The following CHST6 variants were observed in gnomAD, a reference collection of about 807,000 sequenced individuals.
CHST6 encodes N-acetylglucosamine 6-O-sulfotransferase 5.
For synonymous variants in CHST6, 309 were observed against 276.4 expected (o/e 1.12, Z -1.17); for missense variants, 698 against 586.2 (o/e 1.19, Z -1.97).
At chr16:75,486,019 G>A (rs100912) in intron 1 of CHST6, among the ~76,000 whole-genome samples, 94,200 of 152,074 alleles carry the variant, frequency 0.62, 29,565 homozygotes, top group African/African-American at 0.7. Flanking sequence ...CAGCTTTCCA[G>A]CCTTATCTCC....
chr16:75,484,881 G>C (rs1237658445), intron 1 of CHST6, among the ~76,000 whole-genome samples: 2 of 152,078 alleles, frequency 1.3e-5, no homozygotes, highest in Non-Finnish European at 2.9e-5. Flanking sequence ...TCAAGGTAAA[G>C]ATGAGGGCAT....
chr16:75,485,080 T>TTCA (rs2080181253), intron 1 of CHST6, among the ~76,000 whole-genome samples: 1 of 152,010 alleles, frequency 6.6e-6, no homozygotes, highest in Admixed American at 6.6e-5. Context: ...TTAATGGTGA[T>TTCA]GATGGTGATG....
At position 75,475,442 on chromosome 16, in the gene CHST6, A is replaced by G. The variant is rs1035060602; in HGVS notation, c.*3199T>C. The G allele has an allele frequency of 2.6e-5, 4 of 152,358 alleles. No individual in the cohort carries two copies. The highest frequency in any genetic ancestry group is 9.6e-5 in the African/African-American group (4 of 41,452). 9.4% of individuals were successfully genotyped at this position (152,358 alleles called of 1,614,324 possible). On this transcript the variant is annotated 3_prime_UTR_variant, in exon 3 of 3. Coordinates refer to ENST00000332272, the MANE Select transcript of CHST6 (RefSeq NM_021615.5). ...AGTGTCAACACAGCAAACCACTAACAGTGGTCAATGCAGTCACCCCCACAG... is the reference window on the plus strand; with the variant it reads ...AGTGTCAACACAGCAAACCACTAACGGTGGTCAATGCAGTCACCCCCACAG...
At chr16:75,483,990 C>T (rs2080168852) in intron 1 of CHST6, among the ~76,000 whole-genome samples, 1 of 151,842 alleles carries the variant, frequency 6.6e-6, no homozygotes, top group Non-Finnish European at 1.5e-5. Context: ...TGTGACTGCA[C>T]TCCAGCCTGG....
intron 1 of CHST6, among the ~76,000 whole-genome samples, chr16:75,489,178 T>A (rs1407888364): frequency 6.6e-6 from 1 of 151,462 alleles, no homozygotes; most frequent in Non-Finnish European, 1.5e-5. Context: ...GCGGGCGGAT[T>A]ACCTGAGGTC....
chr16:75,489,621 G>T (rs1472272673), intron 1 of CHST6, among the ~76,000 whole-genome samples: 2 of 151,806 alleles, frequency 1.3e-5, no homozygotes, highest in Non-Finnish European at 2.9e-5. Context: ...AGTTGGCTGG[G>T]TGTTAAAAAT....
At chr16:75,490,173 CA>C (rs58903978) in intron 1 of CHST6, among the ~76,000 whole-genome samples, 808 of 40,620 alleles carry the variant, frequency 0.02, 1 homozygote, top group Non-Finnish European at 0.031. Flanking sequence ...GACTTTGCCT[CA>C]AAAAAAAAAA....
intron 1 of CHST6, among the ~76,000 whole-genome samples, chr16:75,489,783 T>C (rs980660227): frequency 3.3e-5 from 5 of 151,694 alleles, no homozygotes; most frequent in African/African-American, 1.2e-4. Context: ...ATAAGCATAT[T>C]TAAGAAATAT....
chr16:75,487,244 G>C (rs1196595986), intron 1 of CHST6, among the ~76,000 whole-genome samples: 1 of 152,168 alleles, frequency 6.6e-6, no homozygotes, highest in African/African-American at 2.4e-5. Flanking sequence ...GGTTCTGCCT[G>C]ATTTGCAAAT....
In CHST6 at chr16:75,477,971, A is replaced by C. The variant is rs986725562; in HGVS notation, c.*670T>G. On this transcript the variant is annotated 3_prime_UTR_variant, in exon 3 of 3. Coordinates refer to ENST00000332272, the MANE Select transcript of CHST6 (RefSeq NM_021615.5). ...TCCTTCCAGGCTTGTCCAGCATGAT[A>C]AACTCTGGTCTCAGCATTCACAGCC... 6.4e-6 allele frequency: 1 copy of C among 155,070 alleles called. No homozygotes were observed. 9.6% of individuals were successfully genotyped at this position (155,070 alleles called of 1,614,324 possible). A position where few individuals can be genotyped will look rare whatever the true frequency, so the allele number is the denominator to read the frequency against.
At chr16:75,483,107 G>A (rs1056516798) in intron 1 of CHST6, among the ~76,000 whole-genome samples, 1 of 152,230 alleles carries the variant, frequency 6.6e-6, no homozygotes, top group Non-Finnish European at 1.5e-5. Context: ...AGGTGGGCAC[G>A]ATGATGTCAA....
intron 2 of CHST6, among the ~76,000 whole-genome samples, 168 bp from the exon 3 acceptor site, chr16:75,480,012 C>T (rs1336433616): frequency 6.6e-6 from 1 of 152,212 alleles, no homozygotes; most frequent in East Asian, 1.9e-4. Flanking sequence ...AGACATAACT[C>T]AGGATCCAGT....
Position 75,479,172 on chromosome 16 carries a change from C to A in CHST6, c.657G>T (p.Ala219=). 1.9e-6 allele frequency: 3 copies of A among 1,608,112 alleles called. No individual in the cohort carries two copies. Among genetic ancestry groups the A allele is most frequent in the Non-Finnish European group, 1.7e-6 (2 of 1,179,036 alleles). Residue 219 remains alanine, a synonymous_variant, in exon 3 of 3, where the codon GCG becomes GCT. Coordinates refer to ENST00000332272, the MANE Select transcript of CHST6 (RefSeq NM_021615.5). ...RSREQTAKAL[A]RDNGIVLGTN... ...TGCCCAGCACGATGCCGTTGTCACG[C>A]GCCAGAGCCTTGGCTGTCTGCTCCC...
At chr16:75,493,780 C>G (rs548328390) in intron 1 of CHST6, among the ~76,000 whole-genome samples, 5 of 152,156 alleles carry the variant, frequency 3.3e-5, no homozygotes, top group Non-Finnish European at 5.9e-5. Flanking sequence ...CAGAATGTGG[C>G]AGGCACAGAC....
At chr16:75,485,889 T>G (rs2080191724) in intron 1 of CHST6, among the ~76,000 whole-genome samples, 1 of 152,140 alleles carries the variant, frequency 6.6e-6, no homozygotes, top group Non-Finnish European at 1.5e-5. Context: ...GGCTGCATCC[T>G]TATCTCCTGG....
chr16:75,485,189 A>G (rs2080182656), intron 1 of CHST6, among the ~76,000 whole-genome samples: 1 of 152,216 alleles, frequency 6.6e-6, no homozygotes, highest in Admixed American at 6.5e-5. Context: ...TTGTTTTGGT[A>G]CCCAGGAGGA....
At chr16:75,482,036 A>C in intron 1 of CHST6, 145 bp from the exon 2 acceptor site, 1 of 362,282 alleles carries the variant, frequency 2.8e-6, no homozygotes, top group South Asian at 2.1e-5. Flanking sequence ...ATGCTGCTGC[A>C]AACACCTATG....
intron 1 of CHST6, among the ~76,000 whole-genome samples, chr16:75,492,372 G>C (rs549046858): frequency 6.6e-6 from 1 of 152,204 alleles, no homozygotes; most frequent in East Asian, 1.9e-4. Flanking sequence ...CACAGGGTAC[G>C]GAGTGGGACT....
intron 1 of CHST6, among the ~76,000 whole-genome samples, chr16:75,488,309 CA>C (rs1344319739): frequency 1.3e-5 from 2 of 151,710 alleles, no homozygotes; most frequent in African/African-American, 4.8e-5. Flanking sequence ...ACTAAAAATA[CA>C]AAAATTAGCC....
Sources: gnomAD v4.1 joint callset for allele counts (sites outside exome capture counted in the v4.1 genomes callset) on GRCh38, gnomAD v4.1.1 for gene constraint, MANE v1.5 for transcripts, NCBI Gene and HGNC (gene_info 2026-07-23, HGNC 2026-07-21) for gene names.